C1QTNF5: variants seen among roughly 807,000 people sequenced by gnomAD.
The protein encoded by C1QTNF5 is C1q and TNF related 5.
Under a neutral mutation model 10.9 loss-of-function variants are expected in C1QTNF5, and 5 were observed. That is an observed-to-expected ratio of 0.46 (90% CI 0.24 to 0.97). The LOEUF is 0.97. Ranked by LOEUF, C1QTNF5 falls within the 50% of genes least tolerant of loss-of-function variation. C1QTNF5 has a pLI of 0.19. For missense variants in C1QTNF5, 281 were observed against 339.4 expected (o/e 0.83, Z 1.35); for synonymous variants, 161 against 156.5 (o/e 1.03, Z -0.22).
upstream of C1QTNF5, chr11:119,342,674 GC>G: frequency 3.1e-6 from 5 of 1,613,682 alleles, no homozygotes; most frequent in Non-Finnish European, 3.4e-6. Context: ...CACATCCACT[GC>G]ACACCCTTAC....
At chr11:119,344,399 G>C (rs1950537158), upstream of C1QTNF5, 1 of 1,612,920 alleles carries the variant, frequency 6.2e-7, no homozygotes, top group African/African-American at 1.3e-5. Flanking sequence ...ACCCTGTAGA[G>C]AGGTGGAAGG....
At chr11:119,343,051 G>T, upstream of C1QTNF5, 1 of 1,560,268 alleles carries the variant, frequency 6.4e-7, no homozygotes, top group Non-Finnish European at 8.6e-7. Context: ...GGCTGACTGA[G>T]GGGGCACTGC....
At chr11:119,340,070 G>C in intron 2 of C1QTNF5, 114 bp downstream of exon 2, 5 of 1,340,372 alleles carry the variant, frequency 3.7e-6, no homozygotes, top group Non-Finnish European at 4.9e-6. Flanking sequence ...GGGCTGCAAA[G>C]CGCGGGGAGT....
upstream of C1QTNF5, chr11:119,345,922 T>C (rs770841101): frequency 1.2e-5 from 20 of 1,613,558 alleles, no homozygotes; most frequent in South Asian, 1.8e-4. Flanking sequence ...GGGTGCAGCC[T>C]GCAGCTCTGG....
At chr11:119,345,273 C>T, upstream of C1QTNF5, 2 of 861,858 alleles carry the variant, frequency 2.3e-6, no homozygotes, top group East Asian at 5.3e-5. Flanking sequence ...CCTCACGGCA[C>T]ACAGCAAGGT....
upstream of C1QTNF5, chr11:119,341,868 TGAG>T (rs759673311): frequency 6.2e-7 from 1 of 1,613,538 alleles, no homozygotes; most frequent in South Asian, 1.1e-5. Flanking sequence ...TTGTAACCGC[TGAG>T]GACCTCTACC....
At chr11:119,343,187 C>G (rs1329856917), upstream of C1QTNF5, among the ~76,000 whole-genome samples, 1 of 152,156 alleles carries the variant, frequency 6.6e-6, no homozygotes, top group Non-Finnish European at 1.5e-5. Context: ...AACAAACTGT[C>G]TGAACTCGAG....
At chr11:119,344,030 G>A (rs1950531677), upstream of C1QTNF5, 3 of 1,600,462 alleles carry the variant, frequency 1.9e-6, no homozygotes, top group South Asian at 3.3e-5. Context: ...GCACCCAGAA[G>A]GGTCTTCTTC....
upstream of C1QTNF5, chr11:119,344,067 TG>T: frequency 6.9e-7 from 1 of 1,458,920 alleles, no homozygotes; most frequent in Non-Finnish European, 9.5e-7. Flanking sequence ...GGGGATGGGG[TG>T]GTGCTTTCAT....
chr11:119,344,919 C>T (rs1332104283), upstream of C1QTNF5: 1 of 1,612,118 alleles, frequency 6.2e-7, no homozygotes, highest in Admixed American at 1.7e-5. Context: ...AAACCAAATC[C>T]TTCCACACTG....
At chr11:119,345,859 G>T, upstream of C1QTNF5, 3 of 1,613,870 alleles carry the variant, frequency 1.9e-6, no homozygotes, top group Non-Finnish European at 2.5e-6. Context: ...GGGGGTGGTG[G>T]TGGTCGTGGT....
At chr11:119,343,797 T>C (rs1228683984), upstream of C1QTNF5, 49 of 1,613,644 alleles carry the variant, frequency 3.0e-5, no homozygotes, top group Non-Finnish European at 3.9e-5. Flanking sequence ...TATCCATGGC[T>C]CTTCCCTGGC....
At chr11:119,346,375 C>T in the C1QTNF5 span, 1 of 1,613,942 alleles carries the variant, frequency 6.2e-7, no homozygotes, top group Non-Finnish European at 8.5e-7. Flanking sequence ...AGAACTCGGT[C>T]TGGAAGGGGG....
chr11:119,344,042 C>T (rs898705424), upstream of C1QTNF5: 7 of 1,583,102 alleles, frequency 4.4e-6, no homozygotes, highest in Admixed American at 6.7e-5. Context: ...GTCTTCTTCC[C>T]CCACTGCTGG....
chr11:119,340,295 G>GAAGGCCGGGGTGCCCCGGGCA lies in C1QTNF5; in HGVS notation c.82_102dup (p.Cys28_Leu34dup). 6.5e-7 allele frequency: 1 copy of GAAGGCCGGGGTGCCCCGGGCA among 1,533,098 alleles called. No individual in the cohort carries two copies. Among genetic ancestry groups the GAAGGCCGGGGTGCCCCGGGCA allele is most frequent in the Non-Finnish European group, 8.8e-7 (1 of 1,141,424 alleles). The allele number at this position is 1,533,098 out of a possible 1,614,324, so 95.0% of individuals were successfully genotyped here. On this transcript the variant is annotated inframe_insertion, in exon 2 of 3. Transcript: ENST00000528368. ...CTGCCATGGTGGCCCGGCGTGCCTG[G>GAAGGCCGGGGTGCCCCGGGCA]AAGGCCGGGGTGCCCCGGGCAGAGG...
Position 119,339,631 on chromosome 11 carries a change from G to C in C1QTNF5, c.432C>G (p.Thr144=), listed in dbSNP as rs376231714. 9.4e-5 allele frequency: 151 copies of C among 1,612,904 alleles called. No homozygotes were observed. Among genetic ancestry groups the C allele is most frequent in the Non-Finnish European group, 1.2e-4 (138 of 1,180,052 alleles). The change falls in exon 3 of 3, where the codon ACC becomes ACG. Residue 144 remains threonine (T), a synonymous_variant. Transcript: ENST00000528368. This position sits in a 1 kb window ranked among gnomAD's most constrained non-coding sequence, Gnocchi z 5.4. The part of the protein sequence containing the change: ...GHYDAVTGKF[T]CQVPGVYYFA... The stretch of plus-strand genomic sequence containing the variant: ...AGTAGTAGACCCCAGGCACCTGGCA[G>C]GTGAACTTGCCGGTGACGGCGTCGT...
chr11:119,346,281 GAGCTGGGACGCTGT>G, the C1QTNF5 span: 5 of 1,613,132 alleles, frequency 3.1e-6, no homozygotes, highest in Non-Finnish European at 4.2e-6. Context: ...CCATGCCAGG[GAGCTGGGACGCTGT>G]AGCTGGCATC....
At chr11:119,341,415 C>T (rs1950501083), upstream of C1QTNF5, 8 of 743,282 alleles carry the variant, frequency 1.1e-5, no homozygotes, top group South Asian at 1.3e-4. Context: ...GAGGACTTCT[C>T]TTCCCCCTCC....
upstream of C1QTNF5, among the ~76,000 whole-genome samples, chr11:119,344,158 G>T (rs373998841): frequency 2.1e-4 from 32 of 152,154 alleles, 1 homozygote; most frequent in South Asian, 5.4e-3. Flanking sequence ...TGGGTACACA[G>T]CAGGCACTTA....
Sources: allele counts gnomAD v4.1 joint callset (sites outside exome capture counted in the v4.1 genomes callset), GRCh38; gene constraint gnomAD v4.1.1; non-coding constraint Gnocchi (gnomAD v3.1); transcripts MANE v1.5; gene names NCBI Gene and HGNC (gene_info 2026-07-23, HGNC 2026-07-21).